NLN: variants seen among roughly 807,000 people sequenced by gnomAD.
NLN encodes the protein neurolysin.
Under a neutral mutation model 79.9 loss-of-function variants are expected in NLN, and 64 were observed. That is an observed-to-expected ratio of 0.80 (90% confidence interval 0.65 to 0.99). The LOEUF is 0.99. NLN is among the 50% of genes least tolerant of loss of function. NLN has a pLI of 0.00. For missense variants in NLN, 835 were observed against 858.7 expected, an observed-to-expected ratio of 0.97 and a Z score of 0.34; for synonymous variants, 267 against 296.6, an observed-to-expected ratio of 0.90 and a Z score of 1.02.
chr5:65,776,243 G>A (rs1759676887), intron 3 of NLN, among the ~76,000 whole-genome samples: 1 of 152,228 alleles, frequency 6.6e-6, no homozygotes, highest in Non-Finnish European at 1.5e-5. Flanking sequence ...GACAGAGCAA[G>A]ACTGTCTCCA....
intron 3 of NLN, among the ~76,000 whole-genome samples, chr5:65,767,808 T>C (rs1226012465): frequency 2.0e-5 from 3 of 152,202 alleles, no homozygotes; most frequent in African/African-American, 7.2e-5. Context: ...CTTGAATACT[T>C]TGCTTAGAAA....
At chr5:65,769,899 A>G (rs1759532452) in intron 3 of NLN, among the ~76,000 whole-genome samples, 1 of 152,238 alleles carries the variant, frequency 6.6e-6, no homozygotes, top group African/African-American at 2.4e-5. Context: ...AGAGTGCCTG[A>G]TAAAAAGCAA....
intron 9 of NLN, among the ~76,000 whole-genome samples, chr5:65,797,238 A>G (rs1400902210): frequency 6.6e-6 from 1 of 152,236 alleles, no homozygotes; most frequent in Non-Finnish European, 1.5e-5. Flanking sequence ...TGTGTTGTAC[A>G]TTAAGAGCGG....
intron 12 of NLN, among the ~76,000 whole-genome samples, chr5:65,821,223 C>G (rs1561216610): frequency 6.6e-6 from 1 of 152,036 alleles, no homozygotes; most frequent in Non-Finnish European, 1.5e-5. Context: ...TGATTGAAAA[C>G]TTGTAAATAA....
In NLN at chr5:65,788,133, A is replaced by G; in HGVS notation, c.974A>G (p.Lys325Arg). The G allele has an allele frequency of 1.2e-6, 2 of 1,613,004 alleles. No individual in the cohort carries two copies. The highest frequency in any genetic ancestry group is 8.5e-7 in the Non-Finnish European group (1 of 1,179,688). Residue 325 changes from lysine (K) to arginine (R), a missense_variant, in exon 8 of 13, where the codon AAG (lysine) becomes AGG (arginine). Lys to Arg is a conservative substitution (Grantham distance 26). Transcript: ENST00000380985. ...VTAFLDDLSQKLKPLGEAERE... is the reference protein window; with the variant it reads ...VTAFLDDLSQRLKPLGEAERE... The stretch of plus-strand genomic sequence containing the variant: ...TTCCTTACAGATGATTTAAGCCAGA[A>G]GTTAAAACCCTTGGGTGAAGCAGAA...
At chr5:65,725,964 T>C (rs1319566800) in intron 1 of NLN, among the ~76,000 whole-genome samples, 1 of 152,040 alleles carries the variant, frequency 6.6e-6, no homozygotes, top group African/African-American at 2.4e-5. Context: ...TACAAAAAAT[T>C]AGCCGGGCGT....
chr5:65,811,235 A>G (rs998755061), intron 11 of NLN, among the ~76,000 whole-genome samples: 1 of 152,230 alleles, frequency 6.6e-6, no homozygotes, highest in African/African-American at 2.4e-5. Context: ...GAGAATAAAG[A>G]TAAGAATGGT....
chr5:65,745,573 C>T (rs1183111603), intron 1 of NLN, among the ~76,000 whole-genome samples: 1 of 152,126 alleles, frequency 6.6e-6, no homozygotes, highest in Non-Finnish European at 1.5e-5. Context: ...TAAATAAGAA[C>T]ATGCATATAA....
chr5:65,819,945 C>T (rs1760758052), intron 12 of NLN, among the ~76,000 whole-genome samples: 1 of 152,150 alleles, frequency 6.6e-6, no homozygotes, highest in Non-Finnish European at 1.5e-5. Context: ...AAGACCATTG[C>T]TCTGTAATTC....
At chr5:65,728,454 T>C (rs2150731929) in intron 1 of NLN, among the ~76,000 whole-genome samples, 1 of 152,320 alleles carries the variant, frequency 6.6e-6, no homozygotes, top group East Asian at 1.9e-4. Flanking sequence ...GTTATTTTCT[T>C]AGTATAAATT....
intron 3 of NLN, among the ~76,000 whole-genome samples, chr5:65,776,153 C>T (rs1359765836): frequency 2.6e-5 from 4 of 152,046 alleles, no homozygotes; most frequent in South Asian, 2.1e-4. Flanking sequence ...CCTGGGAGGC[C>T]GAGGCATGAG....
At chr5:65,811,286 T>C (rs952577924) in intron 11 of NLN, among the ~76,000 whole-genome samples, 11 of 152,180 alleles carry the variant, frequency 7.2e-5, no homozygotes, top group Non-Finnish European at 1.6e-4. Context: ...TAAGCCATAG[T>C]GCACCTTTGT....
intron 2 of NLN, among the ~76,000 whole-genome samples, chr5:65,759,443 T>A (rs1392962182): frequency 6.6e-6 from 1 of 151,966 alleles, no homozygotes; most frequent in African/African-American, 2.4e-5. Context: ...TATAAACATA[T>A]GTATGTGTGG....
chr5:65,787,862 T>C (rs1759965173), intron 7 of NLN, among the ~76,000 whole-genome samples: 2 of 152,226 alleles, frequency 1.3e-5, no homozygotes, highest in African/African-American at 4.8e-5. Context: ...GAGGAACTCA[T>C]GGCCCAGTTC....
chr5:65,736,171 G>A (rs1258128139), intron 1 of NLN, among the ~76,000 whole-genome samples: 2 of 152,048 alleles, frequency 1.3e-5, no homozygotes, highest in Non-Finnish European at 2.9e-5. Flanking sequence ...CTGTCCTCTT[G>A]CTTTTCTTTA....
rs576137135 is a variant in NLN at position 65,723,647 on chromosome 5, T to A, written c.41+1233T>A. The stretch of plus-strand genomic sequence containing the variant: ...GGCTAACACGGTGAAACCCCGTCTC[T>A]ACTAAAAAATACAAAAAATTAGCCG... On this transcript the variant is annotated intron_variant, in intron 1 of 12. Coordinates refer to ENST00000380985, the MANE Select transcript of NLN (RefSeq NM_020726.5). Among the ~76,000 whole-genome samples the A allele has an allele frequency of 5.3e-5, 8 of 151,510 alleles. No homozygotes were observed. In the South Asian group the frequency reaches 1.7e-3, roughly 32 times the overall value.
intron 8 of NLN, among the ~76,000 whole-genome samples, chr5:65,789,726 C>T (rs1490219688): frequency 2.0e-5 from 3 of 152,116 alleles, no homozygotes; most frequent in South Asian, 2.1e-4. Flanking sequence ...CCAGCCAGGG[C>T]GACAGAGCAA....
chr5:65,797,771 A>AG (rs1760202025), intron 9 of NLN, among the ~76,000 whole-genome samples: 1 of 152,218 alleles, frequency 6.6e-6, no homozygotes, highest in African/African-American at 2.4e-5. Flanking sequence ...AAAACTAGAA[A>AG]GGGGGTAAAA....
At chr5:65,793,150 A>C (rs1388560839) in intron 9 of NLN, 1 of 254,562 alleles carries the variant, frequency 3.9e-6, no homozygotes, top group East Asian at 1.2e-4. Context: ...AGAATTTGCC[A>C]GAGTGGAGGT....
Sources: allele counts gnomAD v4.1 joint callset (sites outside exome capture counted in the v4.1 genomes callset), GRCh38; gene constraint gnomAD v4.1.1; transcripts MANE v1.5; gene names NCBI Gene and HGNC (gene_info 2026-07-23, HGNC 2026-07-21).